Variants in PCDHA1 observed in about 807,000 individuals in gnomAD.
PCDHA1 encodes protocadherin alpha 1, also known as protocadherin alpha-1.
In PCDHA1, 42 loss-of-function variants were observed where a neutral mutation model predicts 61.3. That is an observed-to-expected ratio of 0.69 (90% CI 0.54 to 0.89). PCDHA1 has a LOEUF of 0.89. Ranked by LOEUF, PCDHA1 falls within the 40% of genes least tolerant of loss-of-function variation. The probability of loss-of-function intolerance (pLI) is 0.00; values close to 1 mark genes in which losing one functional copy is unlikely to be tolerated. For missense variants in PCDHA1, 1,256 were observed against 1,235.3 expected, an observed-to-expected ratio of 1.02 and a Z score of -0.25; for synonymous variants, 610 against 553.8, an observed-to-expected ratio of 1.10 and a Z score of -1.43.
At position 140,786,650 on chromosome 5, in the gene PCDHA1, G is replaced by A. The variant is rs138016369; in HGVS notation, c.360G>A (p.Glu120=). The A allele has an allele frequency of 2.3e-5, 37 of 1,614,152 alleles. No homozygotes were observed. Among genetic ancestry groups the A allele is most frequent in the Non-Finnish European group, 2.9e-5 (34 of 1,180,060 alleles). ...GGCCGCTGCAGGTTTTCCATGTGGA[G>A]GTGAAGGTGAAAGACATTAACGATA... The part of the protein sequence containing the change: ...ADRPLQVFHV[E]VKVKDINDNP... Residue 120 remains glutamate, a synonymous_variant, in exon 1 of 4, where the codon GAG becomes GAA. Transcript: ENST00000504120.
At chr5:140,843,631 G>T (rs2150363915) in intron 1 of PCDHA1, 1 of 1,595,994 alleles carries the variant, frequency 6.3e-7, no homozygotes, top group East Asian at 2.2e-5. Flanking sequence ...CGGACCTCAT[G>T]GCCTTCAGCC....
chr5:140,843,370 G>A lies in PCDHA1; in HGVS notation c.2394+54686G>A, dbSNP rs782264664. On this transcript the variant is annotated intron_variant, in intron 1 of 3. Coordinates refer to ENST00000504120, the MANE Select transcript of PCDHA1 (RefSeq NM_018900.4). Reference sequence around the variant, plus strand: ...CTCCAAAAGCGTCATCGAGGCAGTCGGCTGGCGTTTTGGGTCCGGAAGCGG... The same window carrying A: ...CTCCAAAAGCGTCATCGAGGCAGTCAGCTGGCGTTTTGGGTCCGGAAGCGG... The A allele has an allele frequency of 1.2e-5, 19 of 1,596,088 alleles. 2 individuals carry two copies. Among genetic ancestry groups the A allele is most frequent in the Non-Finnish European group, 1.6e-5 (19 of 1,165,604 alleles).
chr5:140,876,555 G>C (rs782622293), intron 1 of PCDHA1: 1 of 1,614,072 alleles, frequency 6.2e-7, no homozygotes, highest in African/African-American at 1.3e-5. Context: ...CTGTGCAAGA[G>C]GATGCTCAGG....
chr5:140,857,464 C>T lies in PCDHA1; in HGVS notation c.2394+68780C>T. On this transcript the variant is annotated intron_variant, in intron 1 of 3. Transcript: ENST00000504120. ...AGGAGAACAACCCGCCAGGCTGCCACATCTTCACGGTGTCTGCGTGGGACG... is the reference window on the plus strand; with the variant it reads ...AGGAGAACAACCCGCCAGGCTGCCATATCTTCACGGTGTCTGCGTGGGACG... 1.9e-6 allele frequency: 3 copies of T among 1,598,642 alleles called. 1 individual carries two copies. The South Asian group carries it at 3.3e-5, about 18-fold the overall frequency.
At chr5:140,829,437 A>G in intron 1 of PCDHA1, 1 of 1,614,082 alleles carries the variant, frequency 6.2e-7, no homozygotes, top group Non-Finnish European at 8.5e-7. Flanking sequence ...GCCGACATGA[A>G]TGACAATGCT....
intron 3 of PCDHA1, among the ~76,000 whole-genome samples, chr5:140,998,878 T>C (rs1379445555): frequency 6.6e-6 from 1 of 152,218 alleles, no homozygotes; most frequent in Non-Finnish European, 1.5e-5. Context: ...ATAATAAGTT[T>C]AGTTGAATAA....
intron 3 of PCDHA1, among the ~76,000 whole-genome samples, chr5:140,988,622 A>G (rs192744779): frequency 6.6e-6 from 1 of 152,242 alleles, no homozygotes; most frequent in East Asian, 1.9e-4. Flanking sequence ...TAGAATGGAG[A>G]TGTCCTGGTT....
At chr5:140,886,905 A>G (rs2061220299) in intron 1 of PCDHA1, among the ~76,000 whole-genome samples, 2 of 152,010 alleles carry the variant, frequency 1.3e-5, no homozygotes, top group Admixed American at 1.3e-4. Flanking sequence ...TTTAATAAAT[A>G]CTTATTGAGT....
At chr5:140,944,089 A>G (rs2093608705) in intron 1 of PCDHA1, among the ~76,000 whole-genome samples, 2 of 152,250 alleles carry the variant, frequency 1.3e-5, no homozygotes, top group Non-Finnish European at 1.5e-5. Context: ...AGGCCTGAGT[A>G]AGTTTATATC....
intron 1 of PCDHA1, chr5:140,871,328 G>C: frequency 1.9e-6 from 3 of 1,614,128 alleles, no homozygotes; most frequent in Non-Finnish European, 2.5e-6. Flanking sequence ...GTGTGCTCCC[G>C]CGCGGTGGGG....
chr5:140,801,267 T>G, intron 1 of PCDHA1: 1 of 1,613,708 alleles, frequency 6.2e-7, no homozygotes, highest in Non-Finnish European at 8.5e-7. Context: ...CCTCGCAGCC[T>G]CGGAGGTGGG....
chr5:140,851,337 C>G, intron 1 of PCDHA1: 5 of 979,030 alleles, frequency 5.1e-6, no homozygotes, highest in Non-Finnish European at 6.2e-6. Flanking sequence ...TAGTTCTCTA[C>G]ATTTCTCTGG....
At chr5:140,842,098 A>G (rs2150329282) in intron 1 of PCDHA1, 1 of 1,613,922 alleles carries the variant, frequency 6.2e-7, no homozygotes. Flanking sequence ...ACAACGGAAC[A>G]ACAGTTATCA....
At chr5:140,850,471 T>C (rs2150485589) in intron 1 of PCDHA1, 1 of 1,597,870 alleles carries the variant, frequency 6.3e-7, no homozygotes, top group Non-Finnish European at 8.6e-7. Context: ...GAGCCAGCGC[T>C]GACGGCCACG....
At chr5:140,803,519 T>C (rs1763225200) in intron 1 of PCDHA1, 1 of 1,614,140 alleles carries the variant, frequency 6.2e-7, no homozygotes, top group African/African-American at 1.3e-5. Context: ...CTTTTAGCCC[T>C]AGCCTTCCTC....
At chr5:140,836,841 G>A in intron 1 of PCDHA1, 1 of 836,020 alleles carries the variant, frequency 1.2e-6, no homozygotes, top group South Asian at 2.1e-5. Context: ...ATAGCTTTAT[G>A]TATAATTATT....
chr5:140,808,824 G>C (rs142005186), intron 1 of PCDHA1: 1 of 1,612,766 alleles, frequency 6.2e-7, no homozygotes, highest in African/African-American at 1.3e-5. Context: ...CCACCTCTGG[G>C]CAGCAACGTG....
intron 1 of PCDHA1, among the ~76,000 whole-genome samples, chr5:140,898,901 T>C (rs1196685970): frequency 7.9e-5 from 12 of 152,172 alleles, no homozygotes; most frequent in Admixed American, 7.9e-4. Context: ...GAAGAGGTCC[T>C]TCACGTCCCT....
intron 1 of PCDHA1, among the ~76,000 whole-genome samples, chr5:140,879,793 C>T (rs1417873343): frequency 2.0e-5 from 3 of 152,192 alleles, no homozygotes; most frequent in Admixed American, 6.5e-5. Flanking sequence ...GTTTTTGTTT[C>T]TTCCAGTTTC....
Sources: gnomAD v4.1 joint callset for allele counts (sites outside exome capture counted in the v4.1 genomes callset) on GRCh38, gnomAD v4.1.1 for gene constraint, MANE v1.5 for transcripts, NCBI Gene and HGNC (gene_info 2026-07-23, HGNC 2026-07-21) for gene names.